The following YWHAZ variants were observed in gnomAD, a reference collection of about 807,000 sequenced individuals.
YWHAZ encodes 14-3-3 protein zeta/delta.
For synonymous variants in YWHAZ, 87 were observed against 103.6 expected (o/e 0.84, Z 0.97); for missense variants, 79 against 284.8 (o/e 0.28, Z 5.20).
intron 2 of YWHAZ, among the ~76,000 whole-genome samples, chr8:100,928,285 A>C (rs539307975): frequency 6.6e-6 from 1 of 151,548 alleles, no homozygotes; most frequent in African/African-American, 2.4e-5. Flanking sequence ...GTCTCAAAAA[A>C]AAAGAGTTGA....
intron 2 of YWHAZ, among the ~76,000 whole-genome samples, chr8:100,947,739 C>G (rs1226152506): frequency 6.6e-6 from 1 of 152,184 alleles, no homozygotes; most frequent in Non-Finnish European, 1.5e-5. Flanking sequence ...ATTCAGTAAT[C>G]TGTCCAGAAA....
At position 100,951,963 on chromosome 8, in the gene YWHAZ, G is replaced by C. The variant is rs548516538; in HGVS notation, c.-46C>G. 2.0e-6 allele frequency: 2 copies of C among 1,001,656 alleles called. No homozygotes were observed. Among genetic ancestry groups the C allele is most frequent in the Non-Finnish European group, 2.4e-6 (2 of 841,360 alleles). The allele number at this position is 1,001,656 out of a possible 1,614,324, so 62.0% of individuals were successfully genotyped here. ...GAGTGGGTGGTGGCGGCGGACGGAC[G>C]GGCTCAGCAGTCTCTGGGCGGCGGC... On this transcript the variant is annotated 5_prime_UTR_variant, in exon 1 of 6. Coordinates refer to ENST00000395958, the MANE Select transcript of YWHAZ (RefSeq NM_145690.3).
At chr8:100,925,312 G>A (rs569187875) in intron 2 of YWHAZ, among the ~76,000 whole-genome samples, 2 of 152,294 alleles carry the variant, frequency 1.3e-5, no homozygotes, top group African/African-American at 4.8e-5. Context: ...CTATTTACAT[G>A]CTGACTTCAT....
chr8:100,947,236 AG>A (rs1346881838), intron 2 of YWHAZ, among the ~76,000 whole-genome samples: 2 of 150,320 alleles, frequency 1.3e-5, no homozygotes, highest in African/African-American at 4.9e-5. Context: ...CCTGGGCAAC[AG>A]AGCAAGACTC....
intron 2 of YWHAZ, among the ~76,000 whole-genome samples, chr8:100,930,343 T>C (rs772146620): frequency 1.3e-5 from 2 of 152,158 alleles, no homozygotes; most frequent in Non-Finnish European, 2.9e-5. Context: ...ATGATCCACC[T>C]GCCTCAGCCT....
At position 100,925,875 on chromosome 8, in the gene YWHAZ, T is replaced by A. The variant is rs1371718419; in HGVS notation, c.295-836A>T. On this transcript the variant is annotated intron_variant, in intron 2 of 5. Transcript: ENST00000395958. Reference sequence around the variant, plus strand: ...AGTCTCAATAAATGTGTAATTTTTTTCTTTCCAGTTAAGGGGGAGAAAAAT... The same window carrying A: ...AGTCTCAATAAATGTGTAATTTTTTACTTTCCAGTTAAGGGGGAGAAAAAT... Among the ~76,000 whole-genome samples the A allele has an allele frequency of 2.0e-5, 3 of 152,302 alleles. No individual in the cohort carries two copies. The East Asian group carries it at 5.8e-4, about 29-fold the overall frequency.
intron 1 of YWHAZ, among the ~76,000 whole-genome samples, chr8:100,950,135 G>A (rs1299598868): frequency 6.6e-6 from 1 of 152,148 alleles, no homozygotes; most frequent in Non-Finnish European, 1.5e-5. Context: ...TTGGATGCAA[G>A]GTACTGGCTC....
At chr8:100,951,557 G>A (rs1309218637) in intron 1 of YWHAZ, 1 of 985,362 alleles carries the variant, frequency 1.0e-6, no homozygotes, top group Admixed American at 6.1e-5. Flanking sequence ...AGAGACAAGG[G>A]TGGGGATGGA....
chr8:100,947,982 A>G, intron 2 of YWHAZ: 1 of 850,734 alleles, frequency 1.2e-6, no homozygotes, highest in Non-Finnish European at 1.8e-6. Context: ...TCAACACAGT[A>G]AGTACTGAAT....
chr8:100,920,818 A>G (rs547564192), intron 5 of YWHAZ, 66 bp from the exon 6 acceptor site: 114 of 1,164,286 alleles, frequency 9.8e-5, no homozygotes, highest in Non-Finnish European at 1.3e-4. Flanking sequence ...GCGTTTTCAT[A>G]TAAGTGCCAA....
chr8:100,920,806 G>GGGC (rs1586078397), intron 5 of YWHAZ, 54 bp from the exon 6 acceptor site: 4 of 555,952 alleles, frequency 7.2e-6, no homozygotes, highest in South Asian at 1.6e-5. Context: ...GGGGGGGGGG[G>GGGC]GGCGTTTTCA....
chr8:100,936,723 C>T (rs1026352339), intron 2 of YWHAZ, among the ~76,000 whole-genome samples: 2 of 152,094 alleles, frequency 1.3e-5, no homozygotes, highest in Non-Finnish European at 2.9e-5. Flanking sequence ...ATCGCTTGAA[C>T]CTGGGAGGCA....
intron 2 of YWHAZ, among the ~76,000 whole-genome samples, chr8:100,938,435 T>C (rs1471293769): frequency 6.6e-6 from 1 of 152,230 alleles, no homozygotes; most frequent in Admixed American, 6.5e-5. Context: ...TACTTAAACA[T>C]ATTTCTACAA....
Position 100,948,539 on chromosome 8 carries a change from A to G in YWHAZ, c.294+57T>C. 1 of 1,532,562 alleles carries G rather than the reference A, an allele frequency of 6.5e-7. No individual in the cohort carries two copies. The highest frequency in any genetic ancestry group is 1.2e-5 in the South Asian group (1 of 81,074). 94.9% of individuals were successfully genotyped at this position (1,532,562 alleles called of 1,614,324 possible). A position where few individuals can be genotyped will look rare whatever the true frequency, so the allele number is the denominator to read the frequency against. On this transcript the variant is annotated intron_variant, in intron 2 of 5. Coordinates refer to ENST00000395958, the MANE Select transcript of YWHAZ (RefSeq NM_145690.3). The surrounding 1 kb of genome is among the most constrained non-coding windows in gnomAD (Gnocchi z 4.2). Reference sequence around the variant, plus strand: ...CCAAACAAAAAGTTAAGAGTAATGTAACTGATACTCATAGGGACCCTACAG... The same window carrying G: ...CCAAACAAAAAGTTAAGAGTAATGTGACTGATACTCATAGGGACCCTACAG...
chr8:100,945,765 A>C (rs1810220740), intron 2 of YWHAZ, among the ~76,000 whole-genome samples: 1 of 152,202 alleles, frequency 6.6e-6, no homozygotes, highest in Admixed American at 6.5e-5. Flanking sequence ...TAGGAAAAAG[A>C]AGCCTATTAT....
chr8:100,929,479 CG>C (rs1197402008), intron 2 of YWHAZ, among the ~76,000 whole-genome samples: 3 of 152,152 alleles, frequency 2.0e-5, no homozygotes, highest in Admixed American at 6.5e-5. Flanking sequence ...GGAATACAGG[CG>C]TAAAGCCACT....
intron 2 of YWHAZ, among the ~76,000 whole-genome samples, chr8:100,943,012 G>A (rs1809985918): frequency 6.6e-6 from 1 of 152,196 alleles, no homozygotes; most frequent in South Asian, 2.1e-4. Flanking sequence ...AATTCAGCGT[G>A]AATGTAAAGG....
intron 2 of YWHAZ, among the ~76,000 whole-genome samples, chr8:100,939,884 G>A (rs1028923315): frequency 2.6e-5 from 4 of 151,848 alleles, no homozygotes; most frequent in Non-Finnish European, 2.9e-5. Context: ...TTAGCCGGGC[G>A]TGGTGGCGGC....
rs1812759330 is a variant in YWHAZ at position 100,917,633 on chromosome 8, C to G, written c.*3060G>C. 1 of 151,776 alleles carries G rather than the reference C, an allele frequency of 6.6e-6. No homozygotes were observed. The highest frequency in any genetic ancestry group is 1.5e-5 in the Non-Finnish European group (1 of 68,030). 9.4% of individuals were successfully genotyped at this position (151,776 alleles called of 1,614,324 possible). On this transcript the variant is annotated 3_prime_UTR_variant, in exon 6 of 6. Coordinates refer to ENST00000395958, the MANE Select transcript of YWHAZ (RefSeq NM_145690.3). ...ACTTGCGAGGCTGAGGCAGGAGAAT[C>G]ACTTCAGCCTGGGAGGAGAAGGTTG...
Sources: allele counts gnomAD v4.1 joint callset (sites outside exome capture counted in the v4.1 genomes callset), GRCh38; gene constraint gnomAD v4.1.1; non-coding constraint Gnocchi (gnomAD v3.1); transcripts MANE v1.5; gene names NCBI Gene and HGNC (gene_info 2026-07-23, HGNC 2026-07-21).